Variants in VTA1 observed in about 807,000 individuals in gnomAD.
The protein encoded by VTA1 is vacuolar protein sorting-associated protein VTA1 homolog.
Under a neutral mutation model 36.9 loss-of-function variants are expected in VTA1, and 24 were observed. The observed-to-expected ratio is 0.65, with a 90% CI of 0.47 to 0.91. The LOEUF (loss-of-function observed/expected upper bound fraction) is 0.91. Among genes scored for constraint, VTA1 ranks in the 40% least tolerant of loss-of-function variants. The probability of loss-of-function intolerance (pLI) is 0.00; values close to 1 mark genes in which losing one functional copy is unlikely to be tolerated. For synonymous variants in VTA1, 142 were observed against 130.2 expected, an observed-to-expected ratio of 1.09 and a Z score of -0.62; for missense variants, 393 against 377.2, an observed-to-expected ratio of 1.04 and a Z score of -0.35.
At chr6:142,160,859 T>C (rs1351697723) in intron 1 of VTA1, among the ~76,000 whole-genome samples, 1 of 152,142 alleles carries the variant, frequency 6.6e-6, no homozygotes, top group Non-Finnish European at 1.5e-5. Flanking sequence ...CACAATAATA[T>C]CAGAATCCCA....
chr6:142,180,609 T>G (rs1042146886), intron 4 of VTA1, among the ~76,000 whole-genome samples: 2 of 152,132 alleles, frequency 1.3e-5, no homozygotes, highest in Non-Finnish European at 2.9e-5. Flanking sequence ...CTTATTGATA[T>G]CAGAGGAAAA....
At chr6:142,170,123 A>G (rs1774999673) in intron 3 of VTA1, among the ~76,000 whole-genome samples, 1 of 152,194 alleles carries the variant, frequency 6.6e-6, no homozygotes, top group African/African-American at 2.4e-5. Context: ...CATACAAAAA[A>G]TCTTGACGTA....
chr6:142,162,405 G>A (rs1039430526), intron 1 of VTA1, among the ~76,000 whole-genome samples: 3 of 152,186 alleles, frequency 2.0e-5, no homozygotes, highest in African/African-American at 7.2e-5. Context: ...AGAAAGACCT[G>A]TGGGGAGATG....
At chr6:142,158,133 T>G (rs1778698956) in intron 1 of VTA1, among the ~76,000 whole-genome samples, 1 of 151,190 alleles carries the variant, frequency 6.6e-6, no homozygotes, top group African/African-American at 2.4e-5. Context: ...TATGTAACTG[T>G]TAAAGATATA....
intron 7 of VTA1, among the ~76,000 whole-genome samples, chr6:142,214,039 A>G (rs1338691100): frequency 6.6e-6 from 1 of 152,130 alleles, no homozygotes; most frequent in Admixed American, 6.5e-5. Flanking sequence ...CAAATTTTCC[A>G]TACTTTTATG....
chr6:142,165,171 A>C (rs1774889592), intron 1 of VTA1, among the ~76,000 whole-genome samples: 2 of 152,216 alleles, frequency 1.3e-5, no homozygotes, highest in South Asian at 4.1e-4. Context: ...ATAAAATCAA[A>C]CAGAGTGTTT....
intron 5 of VTA1, among the ~76,000 whole-genome samples, chr6:142,194,992 G>A (rs1484239732): frequency 6.6e-6 from 1 of 152,024 alleles, no homozygotes; most frequent in Non-Finnish European, 1.5e-5. Context: ...GGTAAACTTA[G>A]TCATGATGAG....
intron 5 of VTA1, among the ~76,000 whole-genome samples, chr6:142,197,284 A>G (rs2114672245): frequency 6.6e-6 from 1 of 152,328 alleles, no homozygotes; most frequent in East Asian, 1.9e-4. Context: ...AGGTAAATTT[A>G]ACTTTTTTTC....
intron 7 of VTA1, among the ~76,000 whole-genome samples, chr6:142,210,235 C>T (rs1302596227): frequency 1.3e-5 from 2 of 152,036 alleles, no homozygotes; most frequent in Non-Finnish European, 1.5e-5. Flanking sequence ...TGAAAGTAAA[C>T]CCCCATCTCT....
At position 142,215,305 on chromosome 6, in the gene VTA1, G is replaced by A. The variant is rs553988142; in HGVS notation, c.779-3193G>A. Among the ~76,000 whole-genome samples, 16 of 152,142 alleles carry A rather than the reference G, an allele frequency of 1.1e-4. No individual in the cohort carries two copies. The East Asian group carries it at 2.7e-3, about 26-fold the overall frequency. On this transcript the variant is annotated intron_variant, in intron 7 of 7. Transcript: ENST00000367630. ...ATTACAAAAAAGTTAGCCAGGCCTG[G>A]TGGTGGGCGCCTGTAGTCCCAGCTA...
chr6:142,160,282 C>T (rs1774775825), intron 1 of VTA1, among the ~76,000 whole-genome samples: 1 of 152,160 alleles, frequency 6.6e-6, no homozygotes, highest in Admixed American at 6.5e-5. Flanking sequence ...CCCAGGGTAA[C>T]ATATAGAACT....
chr6:142,147,522 G>C lies in VTA1; in HGVS notation c.112+123G>C. ...CTTTAAACCTGAGCTTTGACCTCGAGCCTACCCAGGGAACTCCCTGGGTTC... is the reference window on the plus strand; with the variant it reads ...CTTTAAACCTGAGCTTTGACCTCGACCCTACCCAGGGAACTCCCTGGGTTC... On this transcript the variant is annotated intron_variant, in intron 1 of 7. Coordinates refer to ENST00000367630, the MANE Select transcript of VTA1 (RefSeq NM_016485.5). 3 of 1,013,606 alleles carry C rather than the reference G, an allele frequency of 3.0e-6. No individual in the cohort carries two copies. The South Asian group carries it at 4.4e-5, about 15-fold the overall frequency. The allele number at this position is 1,013,606 out of a possible 1,614,324, so 62.8% of individuals were successfully genotyped here.
intron 1 of VTA1, among the ~76,000 whole-genome samples, chr6:142,156,948 A>G (rs1365500926): frequency 2.0e-5 from 3 of 152,208 alleles, no homozygotes; most frequent in Non-Finnish European, 4.4e-5. Context: ...TGGGCAGATC[A>G]CGAGGTCAGA....
At chr6:142,149,537 G>A (rs910258711) in intron 1 of VTA1, among the ~76,000 whole-genome samples, 1 of 152,016 alleles carries the variant, frequency 6.6e-6, no homozygotes, top group African/African-American at 2.4e-5. Context: ...TTTGTGATTC[G>A]GTTTTGAAAT....
intron 4 of VTA1, among the ~76,000 whole-genome samples, chr6:142,182,801 G>T (rs1292757696): frequency 6.6e-6 from 1 of 152,148 alleles, no homozygotes; most frequent in Non-Finnish European, 1.5e-5. Flanking sequence ...CTGAACAGAA[G>T]ATATAAATTT....
intron 4 of VTA1, among the ~76,000 whole-genome samples, chr6:142,182,065 G>T (rs192985163): frequency 6.6e-6 from 1 of 152,188 alleles, no homozygotes; most frequent in Non-Finnish European, 1.5e-5. Flanking sequence ...GGGACTAAGA[G>T]TATAAATGTA....
At chr6:142,161,983 A>T (rs1007215472) in intron 1 of VTA1, among the ~76,000 whole-genome samples, 10 of 152,274 alleles carry the variant, frequency 6.6e-5, no homozygotes, top group Admixed American at 2.0e-4. Context: ...TGCTGAGAGG[A>T]TCCAATTCTT....
intron 5 of VTA1, 115 bp from the exon 6 acceptor site, chr6:142,198,324 A>T: frequency 1.0e-6 from 1 of 955,266 alleles, no homozygotes; most frequent in Non-Finnish European, 1.4e-6. Flanking sequence ...TCTCCACTGC[A>T]TTAAATAGAA....
chr6:142,196,458 C>T (rs1290345689), intron 5 of VTA1, among the ~76,000 whole-genome samples: 1 of 152,162 alleles, frequency 6.6e-6, no homozygotes, highest in African/African-American at 2.4e-5. Flanking sequence ...TTTATTCTGT[C>T]TCTCAACCCC....
Sources: gnomAD v4.1 joint callset for allele counts (sites outside exome capture counted in the v4.1 genomes callset) on GRCh38, gnomAD v4.1.1 for gene constraint, MANE v1.5 for transcripts, NCBI Gene and HGNC (gene_info 2026-07-23, HGNC 2026-07-21) for gene names.